TTLL3: variants seen among roughly 807,000 people sequenced by gnomAD.
The protein encoded by TTLL3 is tubulin monoglycylase TTLL3.
TTLL3 carries 63 observed loss-of-function variants against 75.2 expected under a neutral mutation model. The observed-to-expected ratio is 0.84, with a 90% CI of 0.68 to 1.03. TTLL3 has a LOEUF of 1.03. Ranked by LOEUF, TTLL3 falls within the 50% of genes least tolerant of loss-of-function variation. The pLI, the probability that TTLL3 is intolerant of heterozygous loss-of-function variation, is 0.00. For synonymous variants in TTLL3, 393 were observed against 418.5 expected (o/e 0.94, Z 0.74); for missense variants, 997 against 1,069.9 (o/e 0.93, Z 0.95).
chr3:9,826,545 C>T (rs892844358), intron 9 of TTLL3, among the ~76,000 whole-genome samples: 1 of 151,932 alleles, frequency 6.6e-6, no homozygotes, highest in Non-Finnish European at 1.5e-5. Context: ...CCAGCCTGGC[C>T]AACATGGTGA....
At chr3:9,815,476 C>T (rs974938200) in intron 4 of TTLL3, among the ~76,000 whole-genome samples, 15 of 152,342 alleles carry the variant, frequency 9.8e-5, no homozygotes, top group African/African-American at 3.6e-4. Context: ...TTAATAATTA[C>T]CCCACCTCCC....
At chr3:9,819,873 G>C in intron 7 of TTLL3, 5 of 985,616 alleles carry the variant, frequency 5.1e-6, no homozygotes, top group Non-Finnish European at 4.8e-6. Flanking sequence ...GGTGTGGCCA[G>C]AGACCCCATG....
chr3:9,810,375 C>CGAT lies in TTLL3; in HGVS notation c.-59_-58insTGA, dbSNP rs5846648. On this transcript the variant is annotated 5_prime_UTR_variant, in exon 1 of 14. In the 5' UTR this introduces an upstream ATG that the reference lacks. Coordinates refer to ENST00000685419, the MANE Select transcript of TTLL3 (RefSeq NM_001387446.1). The surrounding 1 kb of genome is among the most constrained non-coding windows in gnomAD (Gnocchi z 4.4). ...TCGGCCCCCCGCACACCCCGGTCCT[C>CGAT]GACCCCTCTCCGCAGGATGGTGAGG... is the stretch of plus-strand genomic sequence containing the variant. 1,239,989 of 1,410,232 alleles carry CGAT rather than the reference C, an allele frequency of 0.88. 546,862 individuals are homozygous for CGAT. The highest frequency in any genetic ancestry group is 0.89 in the Non-Finnish European group (974,340 of 1,092,648). 87.4% of individuals were successfully genotyped at this position (1,410,232 alleles called of 1,614,324 possible).
rs377512234 is a variant in TTLL3 at position 9,817,225 on chromosome 3, C to T, written c.445-420C>T. ...AGATCACCAGGTCAGGAGATCGAGA[C>T]CATCCTGGCTAACACGGTGAAATGC... On this transcript the variant is annotated intron_variant, in intron 5 of 13. Transcript: ENST00000685419. 3.9e-5 allele frequency among the ~76,000 whole-genome samples: 6 copies of T among 152,152 alleles called. No individual in the cohort carries two copies. In the East Asian group the frequency reaches 1.2e-3, roughly 30 times the overall value.
Position 9,810,835 on chromosome 3 carries a change from C to T in TTLL3, c.48+126C>T. 2.3e-6 allele frequency: 2 copies of T among 888,288 alleles called. No homozygotes were observed. The highest frequency in any genetic ancestry group is 1.8e-5 in the South Asian group (1 of 54,116). The allele number at this position is 888,288 out of a possible 1,614,324, so 55.0% of individuals were successfully genotyped here. On this transcript the variant is annotated intron_variant, in intron 2 of 13. Coordinates refer to ENST00000685419, the MANE Select transcript of TTLL3 (RefSeq NM_001387446.1). This position sits in a 1 kb window ranked among gnomAD's most constrained non-coding sequence, Gnocchi z 4.4. ...AAAAACAATAGCAAAAATCCTCAAC[C>T]ACCACACCCATCTTCAACTACCTCC...
chr3:9,820,266 G>A (rs2080285086), intron 7 of TTLL3: 6 of 1,219,758 alleles, frequency 4.9e-6, no homozygotes, highest in Admixed American at 3.8e-5. Flanking sequence ...AGGTCCCAGG[G>A]GCAGAGAGGC....
intron 6 of TTLL3, chr3:9,818,056 T>C (rs922763417): frequency 2.3e-5 from 6 of 259,354 alleles, no homozygotes; most frequent in African/African-American, 1.1e-4. Flanking sequence ...TCCAGGCTTA[T>C]ATCAAGTTCC....
Position 9,810,905 on chromosome 3 carries a change from G to T in TTLL3, c.48+196G>T, listed in dbSNP as rs1414331678. 6.6e-6 allele frequency among the ~76,000 whole-genome samples: 1 copy of T among 152,108 alleles called. No individual in the cohort carries two copies. The highest frequency in any genetic ancestry group is 1.5e-5 in the Non-Finnish European group (1 of 68,022). The stretch of plus-strand genomic sequence containing the variant: ...CAAACTTCTGGGCTCCCTCCACTCT[G>T]GTTCCCTGCGATGTCCCACTCTAAT... On this transcript the variant is annotated intron_variant, in intron 2 of 13. Coordinates refer to ENST00000685419, the MANE Select transcript of TTLL3 (RefSeq NM_001387446.1). This position sits in a 1 kb window ranked among gnomAD's most constrained non-coding sequence, Gnocchi z 4.4.
In TTLL3 at chr3:9,829,380, G is replaced by A. The variant is rs2081324951; in HGVS notation, c.1668G>A (p.Glu556=). ...GCAACTGTGACACAGGAGCCTTTGAGCTCATCTATAAGCAGGTGAGGAGGT... is the reference window on the plus strand; with the variant it reads ...GCAACTGTGACACAGGAGCCTTTGAACTCATCTATAAGCAGGTGAGGAGGT... ...LDRNCDTGAF[E]LIYKQPAVEV... The change falls in exon 11 of 14, where the codon GAG becomes GAA. Residue 556 remains glutamate, a synonymous_variant. Transcript: ENST00000685419. 1 of 1,599,518 alleles carries A rather than the reference G, an allele frequency of 6.3e-7. No individual in the cohort carries two copies. The highest frequency in any genetic ancestry group is 8.5e-7 in the Non-Finnish European group (1 of 1,171,180).
At chr3:9,816,519 G>GTTTTTTTTTTTTT (rs1397485164) in intron 5 of TTLL3, among the ~76,000 whole-genome samples, 3 of 36,150 alleles carry the variant, frequency 8.3e-5, no homozygotes, top group Non-Finnish European at 2.2e-4. Flanking sequence ...TCTTACCTGG[G>GTTTTTTTTTTTTT]TTTCTTTTTT....
chr3:9,815,897 C>T (rs1414859886), intron 4 of TTLL3, among the ~76,000 whole-genome samples, 177 bp from the exon 5 acceptor site: 2 of 152,214 alleles, frequency 1.3e-5, no homozygotes, highest in Non-Finnish European at 2.9e-5. Context: ...CCACCTGTGC[C>T]CTGGAGGAAG....
At chr3:9,834,932 C>T (rs1393886272) in intron 13 of TTLL3, 25 bp downstream of exon 13, 1 of 1,614,212 alleles carries the variant, frequency 6.2e-7, no homozygotes. Context: ...GTGACTCACA[C>T]CCAGTGGACA....
At chr3:9,810,077 C>T (rs776950654), upstream of TTLL3, 1 of 1,376,818 alleles carries the variant, frequency 7.3e-7, no homozygotes, top group South Asian at 1.6e-5. The surrounding 1 kb of genome is among the most constrained non-coding windows in gnomAD (Gnocchi z 4.4). Context: ...GGCTCGGCCT[C>T]CTGGTACCGC....
chr3:9,834,904 A>G lies in TTLL3; in HGVS notation c.2049A>G (p.Arg683=). The part of the protein sequence containing the change: ...FKVAPSILKP[R]KAPALLCLRG... ...TGGCACCCAGCATCCTGAAGCCAAG[A>G]AAGGTGGGCCTCGACCTGTGACTCA... Residue 683 remains arginine, a synonymous_variant, in exon 13 of 14, where the codon AGA becomes AGG. Coordinates refer to ENST00000685419, the MANE Select transcript of TTLL3 (RefSeq NM_001387446.1). 3.1e-6 allele frequency: 5 copies of G among 1,614,208 alleles called. No individual in the cohort carries two copies. Among genetic ancestry groups the G allele is most frequent in the Middle Eastern group, 3.3e-4 (2 of 6,062 alleles).
intron 8 of TTLL3, among the ~76,000 whole-genome samples, chr3:9,821,994 C>T (rs1370537492): frequency 2.1e-5 from 3 of 141,776 alleles, no homozygotes; most frequent in East Asian, 4.2e-4. Context: ...CAGAATGAGA[C>T]TCCGTCTCAA....
Position 9,827,091 on chromosome 3 carries a change from T to C in TTLL3, c.1098T>C (p.Tyr366=). 1.2e-6 allele frequency: 2 copies of C among 1,614,210 alleles called. No homozygotes were observed. Among genetic ancestry groups the C allele is most frequent in the Middle Eastern group, 1.6e-4 (1 of 6,062 alleles). Residue 366 remains tyrosine, a synonymous_variant, in exon 10 of 14, where the codon TAT becomes TAC. Transcript: ENST00000685419. ...MKDGKWVVQK[Y]IERPLLIFGT... ...ACGGCAAGTGGGTGGTGCAGAAGTA[T>C]ATTGAGCGGCCCCTCCTCATCTTTG...
rs2079238222 is a variant in TTLL3, at chr3:9,810,451, C to T, written c.-42+57C>T. 5 of 1,432,012 alleles carry T rather than the reference C, an allele frequency of 3.5e-6. No homozygotes were observed. The Admixed American group carries it at 1.2e-4, about 33-fold the overall frequency. The allele number at this position is 1,432,012 out of a possible 1,614,324, so 88.7% of individuals were successfully genotyped here. Reference sequence around the variant, plus strand: ...TACAGCGGCTGCGAGGACGACAAGACGCTGGGGTGGAGGGACTGGGGGTCG... The same window carrying T: ...TACAGCGGCTGCGAGGACGACAAGATGCTGGGGTGGAGGGACTGGGGGTCG... On this transcript the variant is annotated intron_variant, in intron 1 of 13. Transcript: ENST00000685419. This position sits in a 1 kb window ranked among gnomAD's most constrained non-coding sequence, Gnocchi z 4.4.
rs771463260 is a variant in TTLL3 at position 9,817,756 on chromosome 3, A to C, written c.556A>C (p.Ile186Leu). The change falls in exon 6 of 14, where the codon ATA becomes CTA. Residue 186 changes from isoleucine (I) to leucine (L), a missense_variant. By Grantham distance (5) the Ile-to-Leu change is conservative. Transcript: ENST00000685419. ...GGCTGAGGATGACAAAAAAGCCTTC[A>C]TAGGTAAGGAGACCCCCAGCCCTAT... ...LGAEDDKKAF[I>L]EDFWLTAARN... 1 of 1,614,164 alleles carries C rather than the reference A, an allele frequency of 6.2e-7. No homozygotes were observed.
At chr3:9,826,222 G>A (rs149702879) in intron 9 of TTLL3, among the ~76,000 whole-genome samples, 186 of 152,290 alleles carry the variant, frequency 1.2e-3, no homozygotes, top group African/African-American at 4.2e-3. Flanking sequence ...AATCCTCAAC[G>A]TGCTTCAATT....
Sources: gnomAD v4.1 joint callset for allele counts (sites outside exome capture counted in the v4.1 genomes callset) on GRCh38, gnomAD v4.1.1 for gene constraint, Gnocchi (gnomAD v3.1) non-coding constraint, MANE v1.5 for transcripts, NCBI Gene and HGNC (gene_info 2026-07-23, HGNC 2026-07-21) for gene names.